LBP: variants seen among roughly 807,000 people sequenced by gnomAD.
The protein encoded by LBP is lipopolysaccharide binding protein.
Under a neutral mutation model 56.6 loss-of-function variants are expected in LBP, and 53 were observed. The ratio of observed to expected loss-of-function variants is 0.94; its 90% CI spans 0.75 to 1.18. LBP has a LOEUF of 1.18. Among genes scored for constraint, LBP ranks in the 50% most tolerant of loss-of-function variants. The pLI, the probability that LBP is intolerant of heterozygous loss-of-function variation, is 0.00. For missense variants in LBP, 601 were observed against 598.3 expected, an observed-to-expected ratio of 1.00 and a Z score of -0.05; for synonymous variants, 227 against 247.5, an observed-to-expected ratio of 0.92 and a Z score of 0.78.
intron 5 of LBP, among the ~76,000 whole-genome samples, chr20:38,358,210 C>G (rs887318344): frequency 1.7e-4 from 26 of 152,288 alleles, no homozygotes; most frequent in African/African-American, 5.5e-4. Context: ...CTTGGCCTTG[C>G]CATTGTATCT....
At position 38,370,648 on chromosome 20, in the gene LBP, T is replaced by C. The variant is rs1010221713; in HGVS notation, c.1150-90T>C. On this transcript the variant is annotated intron_variant, in intron 10 of 14. Coordinates refer to ENST00000217407, the MANE Select transcript of LBP (RefSeq NM_004139.5). ...TGCTTTAGCTCATTGAGCTGTTTGT[T>C]GAGAGGAGACAGTTGGTCCCTCGTC... 22 of 1,172,876 alleles carry C rather than the reference T, an allele frequency of 1.9e-5. No individual in the cohort carries two copies. In the African/African-American group the frequency reaches 3.0e-4, roughly 16 times the overall value. 72.7% of individuals were successfully genotyped at this position (1,172,876 alleles called of 1,614,324 possible). A position where few individuals can be genotyped will look rare whatever the true frequency, so the allele number is the denominator to read the frequency against.
intron 13 of LBP, 28 bp downstream of exon 13, chr20:38,373,163 T>C: frequency 6.3e-7 from 1 of 1,586,452 alleles, no homozygotes; most frequent in Non-Finnish European, 8.7e-7. Context: ...TTTTTCCAAG[T>C]CAAAAGTGAA....
At chr20:38,361,564 C>G (rs573697054) in intron 6 of LBP, among the ~76,000 whole-genome samples, 1 of 151,874 alleles carries the variant, frequency 6.6e-6, no homozygotes, top group East Asian at 1.9e-4. Flanking sequence ...GCCACCACAC[C>G]CGGCTACTTT....
chr20:38,358,289 A>G (rs2076848151), intron 5 of LBP, among the ~76,000 whole-genome samples: 1 of 152,178 alleles, frequency 6.6e-6, no homozygotes, highest in Admixed American at 6.5e-5. Flanking sequence ...ACTGGGCAGG[A>G]TTTGAATCCA....
At chr20:38,355,892 C>A (rs2076837212) in intron 5 of LBP, among the ~76,000 whole-genome samples, 1 of 151,956 alleles carries the variant, frequency 6.6e-6, no homozygotes, top group Admixed American at 6.6e-5. Flanking sequence ...TATGTGAAAT[C>A]TTCAGAGTGT....
chr20:38,366,816 C>T lies in LBP; in HGVS notation c.969C>T (p.Pro323=). 6.2e-7 allele frequency: 1 copy of T among 1,614,116 alleles called. No individual in the cohort carries two copies. Among genetic ancestry groups the T allele is most frequent in the South Asian group, 1.1e-5 (1 of 91,080 alleles). The part of the protein sequence containing the change: ...NIRLTTKSFR[P]FVPRLARLYP... ...GACTGACCACCAAGTCCTTCCGACC[C>T]TTCGTCCCACGGGTAAGGAGTCCCT... is the stretch of plus-strand genomic sequence containing the variant. Residue 323 remains proline (P), a synonymous_variant, in exon 9 of 15, where the codon CCC becomes CCT. Transcript: ENST00000217407.
chr20:38,357,836 A>C (rs934464754), intron 5 of LBP, among the ~76,000 whole-genome samples: 2 of 152,154 alleles, frequency 1.3e-5, no homozygotes, highest in African/African-American at 4.8e-5. Context: ...TAGACCATAT[A>C]GGGTAACTTG....
At chr20:38,359,027 C>A (rs891811347) in intron 5 of LBP, among the ~76,000 whole-genome samples, 21 of 152,308 alleles carry the variant, frequency 1.4e-4, no homozygotes, top group African/African-American at 4.8e-4. Flanking sequence ...GTCTTTCCTG[C>A]ATAAAACATT....
chr20:38,364,608 A>C lies in LBP; in HGVS notation c.777A>C (p.Pro259=). 6.2e-7 allele frequency: 1 copy of C among 1,614,118 alleles called. No individual in the cohort carries two copies. The highest frequency in any genetic ancestry group is 8.5e-7 in the Non-Finnish European group (1 of 1,180,018). Residue 259 remains proline (P), a synonymous_variant, in exon 8 of 15, where the codon CCA becomes CCC. Coordinates refer to ENST00000217407, the MANE Select transcript of LBP (RefSeq NM_004139.5). ...GEIFHRNHRS[P]VTLLAAVMSL... is the part of the protein sequence containing the mutation. Reference sequence around the variant, plus strand: ...TCTTTCATCGTAACCACCGTTCTCCAGTTACCCTCCTTGCTGCAGTCATGA... The same window carrying C: ...TCTTTCATCGTAACCACCGTTCTCCCGTTACCCTCCTTGCTGCAGTCATGA...
intron 8 of LBP, among the ~76,000 whole-genome samples, chr20:38,365,779 T>G (rs758372112): frequency 2.0e-5 from 3 of 148,774 alleles, no homozygotes; most frequent in Non-Finnish European, 4.4e-5. Context: ...ATACATGCAC[T>G]GATAAATGCA....
intron 3 of LBP, among the ~76,000 whole-genome samples, chr20:38,353,955 G>C (rs963232233): frequency 2.6e-5 from 4 of 151,614 alleles, no homozygotes; most frequent in African/African-American, 9.7e-5. Context: ...TGGCTCTTTA[G>C]ATGTCTCATA....
In LBP at chr20:38,355,345, G is replaced by C. The variant is rs1462183391; in HGVS notation, c.525-1G>C. 1 of 1,613,706 alleles carries C rather than the reference G, an allele frequency of 6.2e-7. No individual in the cohort carries two copies. On this transcript the variant is annotated splice_acceptor_variant, in intron 4 of 14. Coordinates refer to ENST00000217407, the MANE Select transcript of LBP (RefSeq NM_004139.5). LOFTEE classifies it high-confidence loss of function. Reference sequence around the variant, plus strand: ...GTGGCAGACTGTGCTTCTCTCCCCAGGTGGCTGTTGAACCTCTTCCACAAC... The same window carrying C: ...GTGGCAGACTGTGCTTCTCTCCCCACGTGGCTGTTGAACCTCTTCCACAAC...
At chr20:38,374,091 T>C (rs916712748) in intron 14 of LBP, 78 bp downstream of exon 14, 1 of 1,428,000 alleles carries the variant, frequency 7.0e-7, no homozygotes, top group Non-Finnish European at 9.9e-7. Flanking sequence ...CCATGATTCA[T>C]GGGTGACACC....
At chr20:38,370,916 T>TA (rs1717358061) in intron 11 of LBP, 111 bp downstream of exon 11, 2 of 896,796 alleles carry the variant, frequency 2.2e-6, no homozygotes, top group Admixed American at 1.8e-5. Flanking sequence ...AAAGGACACT[T>TA]ACATTTCACC....
At chr20:38,374,950 A>ATTTTTT (rs370110558) in intron 14 of LBP, among the ~76,000 whole-genome samples, 11 of 127,142 alleles carry the variant, frequency 8.7e-5, no homozygotes, top group African/African-American at 2.2e-4. Flanking sequence ...CTCCCAGCTA[A>ATTTTTT]TTTTTTTTTT....
chr20:38,366,835 AG>A lies in LBP; in HGVS notation c.981+8del. On this transcript the variant is annotated splice_region_variant and intron_variant, in intron 9 of 14. Transcript: ENST00000217407. ...CCGACCCTTCGTCCCACGGGTAAGG[AG>A]TCCCTTAGTTCCCCATGAGTGCAGA... The A allele has an allele frequency of 6.2e-7, 1 of 1,613,276 alleles. No individual in the cohort carries two copies. The highest frequency in any genetic ancestry group is 8.5e-7 in the Non-Finnish European group (1 of 1,179,338).
chr20:38,363,895 A>T, intron 6 of LBP, 80 bp from the exon 7 acceptor site: 13 of 986,418 alleles, frequency 1.3e-5, no homozygotes, highest in Non-Finnish European at 2.1e-5. Context: ...AGGGAATGTG[A>T]GTCAGCCAGA....
In LBP at chr20:38,368,989, T is replaced by G. The variant is rs968646609; in HGVS notation, c.982-6T>G. The G allele has an allele frequency of 5.0e-6, 8 of 1,613,836 alleles. No homozygotes were observed. Among genetic ancestry groups the G allele is most frequent in the Admixed American group, 3.3e-5 (2 of 60,000 alleles). On this transcript the variant is annotated splice_region_variant and splice_polypyrimidine_tract_variant and intron_variant, in intron 9 of 14. Transcript: ENST00000217407. ...TCTTGATGTAATCTCCTAATTCTGC[T>G]CCCAGTTAGCCAGGCTCTACCCCAA...
chr20:38,354,494 A>G, intron 4 of LBP, 55 bp downstream of exon 4: 1 of 1,522,914 alleles, frequency 6.6e-7, no homozygotes, highest in Non-Finnish European at 8.9e-7. Context: ...CTCCCGGCCA[A>G]TCCAGCGCTC....
Sources: gnomAD v4.1 joint callset for allele counts (sites outside exome capture counted in the v4.1 genomes callset) on GRCh38, gnomAD v4.1.1 for gene constraint, MANE v1.5 for transcripts, NCBI Gene and HGNC (gene_info 2026-07-23, HGNC 2026-07-21) for gene names.